The following PPP1R21 variants were observed in gnomAD, a reference collection of about 807,000 sequenced individuals.
PPP1R21 encodes protein phosphatase 1 regulatory subunit 21.
In PPP1R21, 85 loss-of-function variants were observed where a neutral mutation model predicts 112.8. The ratio of observed to expected loss-of-function variants is 0.75; its 90% CI spans 0.63 to 0.90. PPP1R21 has a LOEUF of 0.90. Ranked by LOEUF, PPP1R21 falls within the 40% of genes least tolerant of loss-of-function variation. The pLI is 0.00. For missense variants in PPP1R21, 1,199 were observed against 901.5 expected, an observed-to-expected ratio of 1.33 and a Z score of -4.23; for synonymous variants, 381 against 322.3, an observed-to-expected ratio of 1.18 and a Z score of -1.95.
At chr2:48,456,609 T>G (rs1474610998) in intron 3 of PPP1R21, among the ~76,000 whole-genome samples, 1 of 152,252 alleles carries the variant, frequency 6.6e-6, no homozygotes, top group Non-Finnish European at 1.5e-5. Context: ...TCCCATGTAA[T>G]GGGTAGTTGC....
At chr2:48,488,976 C>CTA (rs201915965) in intron 14 of PPP1R21, among the ~76,000 whole-genome samples, 1 of 152,126 alleles carries the variant, frequency 6.6e-6, no homozygotes, top group Non-Finnish European at 1.5e-5. Flanking sequence ...TTCACAAGGA[C>CTA]TATATATAGC....
intron 13 of PPP1R21, among the ~76,000 whole-genome samples, chr2:48,481,258 G>A (rs979793095): frequency 6.6e-6 from 1 of 152,218 alleles, no homozygotes; most frequent in Non-Finnish European, 1.5e-5. Flanking sequence ...CAAAGTGCTG[G>A]GACTACAGGC....
rs1558449595 is a variant in PPP1R21, at chr2:48,465,986, T to C, written c.897+344T>C. On this transcript the variant is annotated intron_variant, in intron 9 of 21. Transcript: ENST00000294952. The stretch of plus-strand genomic sequence containing the variant: ...GGCAAAGAGGAGCAAGTCATGTGTT[T>C]CGTGGATGGTGGCAGGCAAAAAGAG... Among the ~76,000 whole-genome samples, 9 of 152,176 alleles carry C rather than the reference T, an allele frequency of 5.9e-5. No homozygotes were observed. In the South Asian group the frequency reaches 1.9e-3, roughly 31 times the overall value.
chr2:48,482,643 C>CTGT (rs201414855), intron 13 of PPP1R21, among the ~76,000 whole-genome samples: 2,455 of 139,162 alleles, frequency 0.018, 69 homozygotes, highest in African/African-American at 0.06. Flanking sequence ...AATAAAGACA[C>CTGT]TGTTTTTTTT....
At chr2:48,501,850 T>C (rs1421211723) in intron 17 of PPP1R21, 1 of 152,090 alleles carries the variant, frequency 6.6e-6, no homozygotes, top group Non-Finnish European at 1.5e-5. Context: ...ACTCATTTGC[T>C]TACTGCTTGC....
intron 3 of PPP1R21, among the ~76,000 whole-genome samples, chr2:48,457,368 G>A (rs906389250): frequency 6.6e-6 from 1 of 152,132 alleles, no homozygotes; most frequent in African/African-American, 2.4e-5. Flanking sequence ...TGGATTAGTA[G>A]GTGAGTTCAT....
intron 11 of PPP1R21, 88 bp downstream of exon 11, chr2:48,471,455 T>C: frequency 7.7e-7 from 1 of 1,296,322 alleles, no homozygotes; most frequent in South Asian, 1.6e-5. Flanking sequence ...CATGTGCCTC[T>C]TGTGATCTGC....
Position 48,465,388 on chromosome 2 carries a change from T to A in PPP1R21, c.748-105T>A, listed in dbSNP as rs1299566802. 2.9e-6 allele frequency: 3 copies of A among 1,038,140 alleles called. No homozygotes were observed. The Admixed American group carries it at 8.5e-5, about 29-fold the overall frequency. 64.3% of individuals were successfully genotyped at this position (1,038,140 alleles called of 1,614,324 possible). A position where few individuals can be genotyped will look rare whatever the true frequency, so the allele number is the denominator to read the frequency against. The stretch of plus-strand genomic sequence containing the variant: ...GAGCAGATGAATTTAAAGTAAGGAA[T>A]AATCACACTAGGATTCAAATGTTTT... On this transcript the variant is annotated intron_variant, in intron 8 of 21. Transcript: ENST00000294952.
chr2:48,497,506 T>G (rs1487670788), intron 16 of PPP1R21, among the ~76,000 whole-genome samples: 1 of 152,188 alleles, frequency 6.6e-6, no homozygotes, highest in Admixed American at 6.5e-5. Context: ...TTTTATTAAA[T>G]GCAATTATGC....
In PPP1R21 at chr2:48,507,252, A is replaced by G. The variant is rs765460689; in HGVS notation, c.1969-17A>G. On this transcript the variant is annotated splice_polypyrimidine_tract_variant and intron_variant, in intron 18 of 21. Coordinates refer to ENST00000294952, the MANE Select transcript of PPP1R21 (RefSeq NM_001135629.3). Reference sequence around the variant, plus strand: ...CACTGGTACTTGTTTATTTATGTGTATTTGTGTTCTATTTAGGTTCCAGAT... The same window carrying G: ...CACTGGTACTTGTTTATTTATGTGTGTTTGTGTTCTATTTAGGTTCCAGAT... The G allele has an allele frequency of 7.3e-7, 1 of 1,368,760 alleles. No homozygotes were observed. Among genetic ancestry groups the G allele is most frequent in the African/African-American group, 1.8e-5 (1 of 54,182 alleles). 84.8% of individuals were successfully genotyped at this position (1,368,760 alleles called of 1,614,324 possible). A position where few individuals can be genotyped will look rare whatever the true frequency, so the allele number is the denominator to read the frequency against.
At chr2:48,485,482 T>G (rs966371497) in intron 13 of PPP1R21, among the ~76,000 whole-genome samples, 1 of 152,130 alleles carries the variant, frequency 6.6e-6, no homozygotes, top group Non-Finnish European at 1.5e-5. Context: ...ATGTTAACAG[T>G]AGGAAAAATT....
chr2:48,472,133 G>A lies in PPP1R21; in HGVS notation c.1088+766G>A, dbSNP rs188541591. 2.2e-3 allele frequency among the ~76,000 whole-genome samples: 331 copies of A among 148,258 alleles called. 1 individual carries two copies. Among genetic ancestry groups the A allele is most frequent in the Middle Eastern group, 7.2e-3 (2 of 278 alleles). On this transcript the variant is annotated intron_variant, in intron 11 of 21. Coordinates refer to ENST00000294952, the MANE Select transcript of PPP1R21 (RefSeq NM_001135629.3). ...TGCATCCCTATAGTCCCAGCTACTT[G>A]GGAGGCTGAGGCAGGAGAATCGCTC...
At chr2:48,507,810 G>T (rs1670455053) in intron 19 of PPP1R21, among the ~76,000 whole-genome samples, 1 of 110,772 alleles carries the variant, frequency 9.0e-6, no homozygotes, top group East Asian at 2.9e-4. Context: ...ATGTTGCTCA[G>T]GCTACAGTGC....
In PPP1R21 at chr2:48,473,492, T is replaced by A. The variant is rs896837557; in HGVS notation, c.1089-1191T>A. On this transcript the variant is annotated intron_variant, in intron 11 of 21. Transcript: ENST00000294952. ...ACACTGGATGAATTCTTTCTTAAGC[T>A]AAGATTTCTACTTTTGGAATGTTCT... 5.3e-5 allele frequency among the ~76,000 whole-genome samples: 8 copies of A among 152,246 alleles called. No individual in the cohort carries two copies. The South Asian group carries it at 1.7e-3, about 31-fold the overall frequency.
At chr2:48,468,495 C>G (rs1416797465) in intron 9 of PPP1R21, among the ~76,000 whole-genome samples, 5 of 152,158 alleles carry the variant, frequency 3.3e-5, no homozygotes, top group African/African-American at 1.2e-4. Context: ...GTTATGCTTT[C>G]TTTTATACTT....
intron 6 of PPP1R21, 35 bp from the exon 7 acceptor site, chr2:48,461,103 G>A (rs1433696123): frequency 1.3e-6 from 2 of 1,559,070 alleles, no homozygotes; most frequent in East Asian, 2.4e-5. Flanking sequence ...AGTGATTGGT[G>A]ATAATGTGGT....
chr2:48,457,531 AT>A (rs1667779989), intron 3 of PPP1R21, among the ~76,000 whole-genome samples: 1 of 152,216 alleles, frequency 6.6e-6, no homozygotes, highest in Non-Finnish European at 1.5e-5. Flanking sequence ...AAATAGTGCT[AT>A]TCTTCTATGT....
intron 1 of PPP1R21, among the ~76,000 whole-genome samples, chr2:48,450,324 G>T (rs1282206183): frequency 1.3e-5 from 2 of 152,182 alleles, no homozygotes; most frequent in African/African-American, 4.8e-5. Context: ...GGTAATTAGA[G>T]TACCCACTTC....
chr2:48,511,257 C>A lies in PPP1R21; in HGVS notation c.2185-83C>A, dbSNP rs946784207. 6 of 1,379,508 alleles carry A rather than the reference C, an allele frequency of 4.3e-6. No homozygotes were observed. The East Asian group carries it at 1.4e-4, about 32-fold the overall frequency. The allele number at this position is 1,379,508 out of a possible 1,614,324, so 85.5% of individuals were successfully genotyped here. ...GGGAAACTATAATTTCCCTACTCCA[C>A]ATTTTTCTTTTGTGAATTAAAAAAG... On this transcript the variant is annotated intron_variant, in intron 20 of 21. Transcript: ENST00000294952.
Sources: gnomAD v4.1 joint callset for allele counts (sites outside exome capture counted in the v4.1 genomes callset) on GRCh38, gnomAD v4.1.1 for gene constraint, MANE v1.5 for transcripts, NCBI Gene and HGNC (gene_info 2026-07-23, HGNC 2026-07-21) for gene names.